SORBS2: variants seen among roughly 807,000 people sequenced by gnomAD.
SORBS2 encodes the protein sorbin and SH3 domain containing 2.
A neutral mutation model predicts 97.7 loss-of-function variants in SORBS2; 46 were observed. The observed-to-expected ratio is 0.47, with a 90% CI of 0.37 to 0.60. The LOEUF is 0.60. SORBS2 is among the 20% of genes least tolerant of loss of function. The pLI, the probability that SORBS2 is intolerant of heterozygous loss-of-function variation, is 0.00. For missense variants in SORBS2, 1,316 were observed against 1,282.3 expected (o/e 1.03, Z -0.40); for synonymous variants, 476 against 473.4 (o/e 1.01, Z -0.07).
At chr4:185,825,791 G>T (rs1030688650) in intron 1 of SORBS2, among the ~76,000 whole-genome samples, 2 of 152,122 alleles carry the variant, frequency 1.3e-5, no homozygotes, top group African/African-American at 4.8e-5. Context: ...TCACTCCTGA[G>T]GTTAATGAAA....
At chr4:185,860,867 G>T (rs1258672319) in intron 1 of SORBS2, among the ~76,000 whole-genome samples, 1 of 152,136 alleles carries the variant, frequency 6.6e-6, no homozygotes, top group Non-Finnish European at 1.5e-5. Context: ...GGAAACCAAG[G>T]TGAAGCCTCC....
chr4:185,656,163 A>G (rs1399549324), intron 1 of SORBS2, among the ~76,000 whole-genome samples: 1 of 152,262 alleles, frequency 6.6e-6, no homozygotes, highest in African/African-American at 2.4e-5. Context: ...TCTTTGGCAC[A>G]TAAATATGGC....
At chr4:185,669,119 C>T (rs1055491684) in intron 4 of SORBS2, among the ~76,000 whole-genome samples, 1 of 152,184 alleles carries the variant, frequency 6.6e-6, no homozygotes, top group Non-Finnish European at 1.5e-5. Context: ...ACTGGAGCTC[C>T]TGAGGAATGA....
chr4:185,844,872 G>A lies in SORBS2; in HGVS notation c.-337-69506C>T, dbSNP rs149750133. On this transcript the variant is annotated intron_variant, in intron 1 of 20. Transcript: ENST00000284776. Reference sequence around the variant, plus strand: ...AGACACGAAAGACTATATGTAACACGATTCCATTCCATTTATACGAAACAC... The same window carrying A: ...AGACACGAAAGACTATATGTAACACAATTCCATTCCATTTATACGAAACAC... 1.2e-3 allele frequency among the ~76,000 whole-genome samples: 177 copies of A among 152,262 alleles called. 2 individuals carry two copies. Among genetic ancestry groups the A allele is most frequent in the African/African-American group, 4.1e-3 (172 of 41,540 alleles).
Position 185,955,274 on chromosome 4 carries a change from T to C in SORBS2, c.-338+922A>G, listed in dbSNP as rs191219142. 2.7e-3 allele frequency among the ~76,000 whole-genome samples: 404 copies of C among 152,316 alleles called. 1 individual carries two copies. Among genetic ancestry groups the C allele is most frequent in the African/African-American group, 9.0e-3 (375 of 41,590 alleles). On this transcript the variant is annotated intron_variant, in intron 1 of 20. Coordinates refer to the SORBS2 transcript ENST00000284776. ...TAACCCAGTGATGTGTGATGTCACT[T>C]GTCCCACAGAGGATAATGAACAACT... is the stretch of plus-strand genomic sequence containing the variant.
chr4:185,908,853 C>G (rs778510388), intron 1 of SORBS2, among the ~76,000 whole-genome samples: 88 of 151,912 alleles, frequency 5.8e-4, no homozygotes, highest in African/African-American at 2.0e-3. Context: ...ATAACCCTTG[C>G]ATAACATATA....
At chr4:185,744,166 T>G (rs563319639) in intron 2 of SORBS2, among the ~76,000 whole-genome samples, 3 of 152,012 alleles carry the variant, frequency 2.0e-5, no homozygotes, top group African/African-American at 7.2e-5. Context: ...TTTTGTTATT[T>G]GATCTCCAAT....
Position 185,708,421 on chromosome 4 carries a change from G to A in SORBS2, c.-197-29599C>T, listed in dbSNP as rs138762364. Among the ~76,000 whole-genome samples the A allele has an allele frequency of 2.0e-4, 30 of 152,264 alleles. 1 individual carries two copies. In the East Asian group the frequency reaches 5.4e-3, roughly 27 times the overall value. On this transcript the variant is annotated intron_variant, in intron 2 of 20. Coordinates refer to the SORBS2 transcript ENST00000284776. ...AACCATCATCAGAACCACCCTTTGT[G>A]TCTTCATTAATTTTTTGTTCATGCT...
At chr4:185,652,310 C>T (rs961512714) in intron 2 of SORBS2, among the ~76,000 whole-genome samples, 10 of 152,214 alleles carry the variant, frequency 6.6e-5, no homozygotes, top group East Asian at 3.8e-4. Context: ...GGCAGACCCG[C>T]GCAGGCTCAC....
At chr4:185,793,363 T>C (rs1196910462) in intron 1 of SORBS2, among the ~76,000 whole-genome samples, 1 of 152,200 alleles carries the variant, frequency 6.6e-6, no homozygotes, top group African/African-American at 2.4e-5. Flanking sequence ...CTGTCATCAT[T>C]TTTGCCGTGA....
intron 13 of SORBS2, among the ~76,000 whole-genome samples, chr4:185,591,132 T>A (rs1399274406): frequency 1.3e-5 from 2 of 152,204 alleles, no homozygotes; most frequent in Non-Finnish European, 2.9e-5. Flanking sequence ...AACAGTGACC[T>A]ACTGGCTTCC....
At chr4:185,871,834 A>G (rs1050316070) in intron 1 of SORBS2, among the ~76,000 whole-genome samples, 1 of 152,182 alleles carries the variant, frequency 6.6e-6, no homozygotes, top group Non-Finnish European at 1.5e-5. Flanking sequence ...TTCCCTGTGC[A>G]GAATACCTTG....
chr4:185,936,242 C>T (rs1189785557), intron 1 of SORBS2, among the ~76,000 whole-genome samples: 1 of 152,194 alleles, frequency 6.6e-6, no homozygotes, highest in East Asian at 1.9e-4. Context: ...AATATAAAGC[C>T]TTCACAAGAA....
chr4:185,915,972 G>A (rs2099257935), intron 1 of SORBS2, among the ~76,000 whole-genome samples: 1 of 152,206 alleles, frequency 6.6e-6, no homozygotes, highest in South Asian at 2.1e-4. Context: ...AGCAGCATAA[G>A]CAAAGGGCCC....
intron 1 of SORBS2, among the ~76,000 whole-genome samples, chr4:185,868,670 C>T (rs753420186): frequency 6.6e-5 from 10 of 152,118 alleles, no homozygotes; most frequent in Non-Finnish European, 1.3e-4. Flanking sequence ...ATGTTGTGCC[C>T]TCTCTGTAAA....
At position 185,809,659 on chromosome 4, in the gene SORBS2, A is replaced by T. The variant is rs564010574; in HGVS notation, c.-337-34293T>A. On this transcript the variant is annotated intron_variant, in intron 1 of 20. Coordinates refer to the SORBS2 transcript ENST00000284776. ...AATTGTTGAATTATTAACTATGGAG[A>T]TGCGCTGTACAGAATTGAACTTAAA... 2.0e-5 allele frequency among the ~76,000 whole-genome samples: 3 copies of T among 152,178 alleles called. No homozygotes were observed. In the South Asian group the frequency reaches 6.2e-4, roughly 32 times the overall value.
rs73030009 is a variant in SORBS2 at position 185,635,922 on chromosome 4, C to T, written c.397-5324G>A. 6.8e-3 allele frequency among the ~76,000 whole-genome samples: 1,033 copies of T among 152,032 alleles called. 16 individuals carry two copies. The highest frequency in any genetic ancestry group is 0.023 in the African/African-American group (945 of 41,454). ...CACCCAGGCTGGAGTGTAGTGACAC[C>T]GTCTCAGCTCACTGCAATCTCTGCC... On this transcript the variant is annotated intron_variant, in intron 4 of 14. Transcript: ENST00000418609.
At chr4:185,940,692 A>G (rs1176945071) in intron 1 of SORBS2, among the ~76,000 whole-genome samples, 1 of 152,186 alleles carries the variant, frequency 6.6e-6, no homozygotes, top group African/African-American at 2.4e-5. Context: ...TGGCTACACC[A>G]ACTTGTTCCA....
chr4:185,903,190 T>TG (rs763823884), intron 1 of SORBS2, among the ~76,000 whole-genome samples: 1 of 152,134 alleles, frequency 6.6e-6, no homozygotes, highest in African/African-American at 2.4e-5. Context: ...ATAGTGATTT[T>TG]GGGGGGGCAT....
Sources: allele counts gnomAD v4.1 joint callset (sites outside exome capture counted in the v4.1 genomes callset), GRCh38; gene constraint gnomAD v4.1.1; transcripts MANE v1.5; gene names NCBI Gene and HGNC (gene_info 2026-07-23, HGNC 2026-07-21).